The following MB21D2 variants were observed in gnomAD, a reference collection of about 807,000 sequenced individuals.
MB21D2 encodes nucleotidyltransferase MB21D2.
A neutral mutation model predicts 33.3 loss-of-function variants in MB21D2; 9 were observed. The ratio of observed to expected loss-of-function variants is 0.27; its 90% CI spans 0.16 to 0.47. The LOEUF is 0.47. Ranked by LOEUF, MB21D2 falls within the 20% of genes least tolerant of loss-of-function variation. MB21D2 has a pLI of 0.99. For synonymous variants in MB21D2, 241 were observed against 236.3 expected (o/e 1.02, Z -0.18); for missense variants, 540 against 624.6 (o/e 0.86, Z 1.44).
chr3:192,798,317 A>G lies in MB21D2; in HGVS notation c.*69T>C, dbSNP rs1720565201. 3 of 1,516,268 alleles carry G rather than the reference A, an allele frequency of 2.0e-6. No homozygotes were observed. The East Asian group carries it at 6.8e-5, about 34-fold the overall frequency. The allele number at this position is 1,516,268 out of a possible 1,614,324, so 93.9% of individuals were successfully genotyped here. ...GGCTGGATATGTAAAAAACAGAAAG[A>G]TAGCATCACAAACCACACGACACAT... On this transcript the variant is annotated 3_prime_UTR_variant, in exon 2 of 2. Coordinates refer to ENST00000392452, the MANE Select transcript of MB21D2 (RefSeq NM_178496.4). The surrounding 1 kb of genome is among the most constrained non-coding windows in gnomAD (Gnocchi z 4.8).
intron 1 of MB21D2, among the ~76,000 whole-genome samples, chr3:192,895,942 G>A (rs1319543516): frequency 6.6e-6 from 1 of 152,230 alleles, no homozygotes; most frequent in South Asian, 2.1e-4. Context: ...AATCACACTA[G>A]ACCTTTATTC....
intron 1 of MB21D2, among the ~76,000 whole-genome samples, chr3:192,871,430 G>A (rs1713293532): frequency 1.3e-5 from 2 of 152,110 alleles, no homozygotes; most frequent in South Asian, 4.1e-4. Flanking sequence ...CACTGAGAGG[G>A]ATACAGGGAT....
chr3:192,798,804 T>C lies in MB21D2; in HGVS notation c.1058A>G (p.Tyr353Cys), dbSNP rs750640175. ...LPANYLAQED[Y>C]AAHFLLGLID... is the part of the protein sequence containing the mutation. The stretch of plus-strand genomic sequence containing the variant: ...GAGGCCCAGCAAAAAGTGGGCTGCA[T>C]AGTCTTCTTGAGCCAAGTAGTTGGC... The change falls in exon 2 of 2, where the codon TAT (tyrosine) becomes TGT (cysteine). Residue 353 changes from tyrosine to cysteine, a missense_variant. Tyr to Cys is a radical substitution (Grantham distance 194). Coordinates refer to ENST00000392452, the MANE Select transcript of MB21D2 (RefSeq NM_178496.4). This position sits in a 1 kb window ranked among gnomAD's most constrained non-coding sequence, Gnocchi z 4.8. 2 of 1,612,472 alleles carry C rather than the reference T, an allele frequency of 1.2e-6. No individual in the cohort carries two copies. Among genetic ancestry groups the C allele is most frequent in the Non-Finnish European group, 8.5e-7 (1 of 1,179,754 alleles).
intron 1 of MB21D2, among the ~76,000 whole-genome samples, chr3:192,815,222 T>C (rs1711895115): frequency 6.6e-6 from 1 of 152,188 alleles, no homozygotes. Flanking sequence ...GAACTGACTT[T>C]CAAGGTTATT....
At chr3:192,814,407 C>T (rs185551581) in intron 1 of MB21D2, among the ~76,000 whole-genome samples, 28 of 152,246 alleles carry the variant, frequency 1.8e-4, no homozygotes, top group African/African-American at 4.8e-4. Flanking sequence ...TAAAAACATA[C>T]TCTATTGTTT....
At chr3:192,854,216 G>A (rs1247551493) in intron 1 of MB21D2, among the ~76,000 whole-genome samples, 1 of 152,232 alleles carries the variant, frequency 6.6e-6, no homozygotes, top group African/African-American at 2.4e-5. Context: ...AGCTGTGGAT[G>A]CAAAGGAAAA....
At chr3:192,837,075 G>C (rs1011675715) in intron 1 of MB21D2, among the ~76,000 whole-genome samples, 1 of 152,124 alleles carries the variant, frequency 6.6e-6, no homozygotes, top group Non-Finnish European at 1.5e-5. Flanking sequence ...TCAGGATTAT[G>C]ACATTGAAGA....
chr3:192,912,278 C>T (rs1314409862), intron 1 of MB21D2, among the ~76,000 whole-genome samples: 1 of 152,144 alleles, frequency 6.6e-6, no homozygotes, highest in South Asian at 2.1e-4. Flanking sequence ...GAACCCTGCA[C>T]GCTGATTGGC....
intron 1 of MB21D2, among the ~76,000 whole-genome samples, chr3:192,834,316 C>CA (rs556929185): frequency 0.029 from 3,238 of 110,468 alleles, 53 homozygotes; most frequent in African/African-American, 0.043. Context: ...GACTGCATCT[C>CA]AAAAAAAAAA....
At chr3:192,816,023 C>T (rs1711914325) in intron 1 of MB21D2, among the ~76,000 whole-genome samples, 1 of 152,130 alleles carries the variant, frequency 6.6e-6, no homozygotes. Flanking sequence ...GGCACAATTA[C>T]AGCTCAGTTC....
chr3:192,906,132 G>A (rs932622258), intron 1 of MB21D2, among the ~76,000 whole-genome samples: 37 of 152,298 alleles, frequency 2.4e-4, no homozygotes, highest in African/African-American at 8.4e-4. Flanking sequence ...GCTGCAGTTT[G>A]AACCATAAAT....
In MB21D2 at chr3:192,811,658, TCTC is replaced by T. The variant is rs1334801244; in HGVS notation, c.212-12011_212-12009del. 2.0e-5 allele frequency among the ~76,000 whole-genome samples: 3 copies of T among 152,174 alleles called. No homozygotes were observed. The East Asian group carries it at 5.8e-4, about 29-fold the overall frequency. On this transcript the variant is annotated intron_variant, in intron 1 of 1. Transcript: ENST00000392452. ...TTTCTTGCTTTGTTGTTATCTCAAT[TCTC>T]CTCACTTCCCAAGGGACATTTTAAG...
intron 1 of MB21D2, among the ~76,000 whole-genome samples, chr3:192,905,635 CAAAA>C (rs142676577): frequency 1.6e-4 from 14 of 84,972 alleles, no homozygotes; most frequent in Admixed American, 4.5e-4. Context: ...CGCCCTGTCT[CAAAA>C]AAAAAAAAAA....
intron 1 of MB21D2, among the ~76,000 whole-genome samples, chr3:192,898,592 C>G (rs1259429300): frequency 1.3e-5 from 2 of 151,968 alleles, no homozygotes; most frequent in Non-Finnish European, 2.9e-5. Flanking sequence ...TGCCCAAGTT[C>G]AAGAACGAAG....
chr3:192,868,634 T>C (rs1397164459), intron 1 of MB21D2, among the ~76,000 whole-genome samples: 2 of 152,092 alleles, frequency 1.3e-5, no homozygotes, highest in Non-Finnish European at 2.9e-5. Flanking sequence ...TAAGGAATCA[T>C]CTTAAAGGGG....
intron 1 of MB21D2, among the ~76,000 whole-genome samples, chr3:192,908,974 G>A (rs904681619): frequency 1.4e-4 from 22 of 151,972 alleles, no homozygotes; most frequent in Admixed American, 6.5e-5. Flanking sequence ...TACAAAATGC[G>A]GCCGGGCACG....
At chr3:192,913,020 C>T (rs753980012) in intron 1 of MB21D2, among the ~76,000 whole-genome samples, 47 of 152,230 alleles carry the variant, frequency 3.1e-4, no homozygotes, top group Admixed American at 2.2e-3. Context: ...ATGGTCAGCA[C>T]ATGGTATGAG....
chr3:192,915,184 C>A (rs1312616761), intron 1 of MB21D2, among the ~76,000 whole-genome samples: 1 of 152,082 alleles, frequency 6.6e-6, no homozygotes, highest in Admixed American at 6.5e-5. Context: ...CCCTCCACCC[C>A]CCCGCCCTGA....
intron 1 of MB21D2, among the ~76,000 whole-genome samples, chr3:192,849,458 C>T (rs1029981108): frequency 1.3e-5 from 2 of 152,096 alleles, no homozygotes; most frequent in African/African-American, 2.4e-5. Context: ...GCTGGGATTA[C>T]AGGCATGTGC....
Sources: gnomAD v4.1 joint callset for allele counts (sites outside exome capture counted in the v4.1 genomes callset) on GRCh38, gnomAD v4.1.1 for gene constraint, Gnocchi (gnomAD v3.1) non-coding constraint, MANE v1.5 for transcripts, NCBI Gene and HGNC (gene_info 2026-07-23, HGNC 2026-07-21) for gene names.